XPR1: variants seen among roughly 807,000 people sequenced by gnomAD.
The protein encoded by XPR1 is xenotropic and polytropic retrovirus receptor 1, also known as solute carrier family 53 member 1.
A neutral mutation model predicts 87.5 loss-of-function variants in XPR1; 28 were observed. That is an observed-to-expected ratio of 0.32 (90% CI 0.24 to 0.44). XPR1 has a LOEUF of 0.44. XPR1 is among the 20% of genes least tolerant of loss of function. The pLI is 1.00. For missense variants in XPR1, 559 were observed against 862.3 expected (o/e 0.65, Z 4.41); for synonymous variants, 300 against 306.1 (o/e 0.98, Z 0.21).
chr1:180,860,233 G>A (rs1167552311), intron 11 of XPR1, among the ~76,000 whole-genome samples: 2 of 151,756 alleles, frequency 1.3e-5, no homozygotes, highest in African/African-American at 4.8e-5. Context: ...AAGAAGAGGA[G>A]GAACTAAATT....
intron 2 of XPR1, among the ~76,000 whole-genome samples, chr1:180,739,487 G>A (rs184657386): frequency 2.9e-4 from 44 of 152,176 alleles, no homozygotes; most frequent in Admixed American, 2.7e-3. Context: ...ATATCAATTA[G>A]AACTGTGTTA....
intron 11 of XPR1, among the ~76,000 whole-genome samples, chr1:180,846,983 A>G (rs1651707654): frequency 6.6e-6 from 1 of 152,116 alleles, no homozygotes; most frequent in Non-Finnish European, 1.5e-5. Context: ...GCCTCTCTCT[A>G]AATACTTTTT....
At chr1:180,846,907 A>G (rs1268097300) in intron 11 of XPR1, among the ~76,000 whole-genome samples, 1 of 151,912 alleles carries the variant, frequency 6.6e-6, no homozygotes, top group Non-Finnish European at 1.5e-5. Context: ...TAAAACATCT[A>G]CCTAAATATC....
At chr1:180,862,804 T>C (rs1207007508) in intron 11 of XPR1, among the ~76,000 whole-genome samples, 4 of 152,092 alleles carry the variant, frequency 2.6e-5, no homozygotes, top group Admixed American at 2.6e-4. Context: ...CTGACCAAAA[T>C]TTAAACTTTT....
intron 2 of XPR1, among the ~76,000 whole-genome samples, chr1:180,779,716 G>A (rs940906268): frequency 1.3e-5 from 2 of 151,906 alleles, no homozygotes; most frequent in Non-Finnish European, 2.9e-5. Flanking sequence ...GGGGGAGAGG[G>A]AGAGGGAGAG....
intron 6 of XPR1, among the ~76,000 whole-genome samples, chr1:180,809,760 A>G (rs1289507356): frequency 3.9e-5 from 6 of 152,190 alleles, no homozygotes; most frequent in Non-Finnish European, 8.8e-5. Context: ...TAGTAGTTAT[A>G]GATTCACTTT....
intron 1 of XPR1, among the ~76,000 whole-genome samples, chr1:180,639,071 C>A (rs1654877987): frequency 6.6e-6 from 1 of 152,112 alleles, no homozygotes; most frequent in African/African-American, 2.4e-5. Flanking sequence ...CCAAGGCAGG[C>A]AGATCGCCTG....
At chr1:180,653,754 G>A (rs1655364818) in intron 1 of XPR1, among the ~76,000 whole-genome samples, 1 of 152,128 alleles carries the variant, frequency 6.6e-6, no homozygotes. Context: ...CCATTACTGA[G>A]TAAAGTAATG....
At chr1:180,807,223 G>C (rs567046569) in intron 6 of XPR1, among the ~76,000 whole-genome samples, 11 of 152,266 alleles carry the variant, frequency 7.2e-5, no homozygotes, top group Admixed American at 3.3e-4. Flanking sequence ...TGCGGTAAGG[G>C]AAGAAAAAGA....
intron 2 of XPR1, among the ~76,000 whole-genome samples, chr1:180,786,111 C>T (rs1256178678): frequency 1.3e-5 from 2 of 151,974 alleles, no homozygotes; most frequent in Non-Finnish European, 2.9e-5. Flanking sequence ...ATACAACATC[C>T]TGCATTATCT....
intron 1 of XPR1, among the ~76,000 whole-genome samples, chr1:180,672,626 C>T (rs188669126): frequency 2.6e-5 from 4 of 152,078 alleles, no homozygotes; most frequent in Admixed American, 2.0e-4. Context: ...GATGATGAGA[C>T]AAACCATATT....
At chr1:180,764,635 A>C (rs1311152668) in intron 2 of XPR1, among the ~76,000 whole-genome samples, 1 of 151,370 alleles carries the variant, frequency 6.6e-6, no homozygotes, top group Non-Finnish European at 1.5e-5. Flanking sequence ...ATGCCTGGCT[A>C]ATGTTTGTAT....
intron 1 of XPR1, among the ~76,000 whole-genome samples, chr1:180,663,017 T>C (rs951624827): frequency 2.0e-5 from 3 of 152,240 alleles, no homozygotes; most frequent in African/African-American, 7.2e-5. Flanking sequence ...TCTGATAGGG[T>C]TCTGAATTCC....
intron 2 of XPR1, among the ~76,000 whole-genome samples, chr1:180,750,085 TGAA>T (rs1322784035): frequency 1.3e-5 from 2 of 152,196 alleles, no homozygotes; most frequent in African/African-American, 4.8e-5. Flanking sequence ...AGTATTTCCT[TGAA>T]GATATTTTTT....
At chr1:180,850,178 G>A (rs1451747590) in intron 11 of XPR1, among the ~76,000 whole-genome samples, 2 of 152,134 alleles carry the variant, frequency 1.3e-5, no homozygotes, top group Non-Finnish European at 2.9e-5. Context: ...AAAGAAAAAT[G>A]AAATGAAGGT....
chr1:180,805,873 T>G (rs952914689), intron 4 of XPR1, among the ~76,000 whole-genome samples, 189 bp from the exon 5 acceptor site: 1 of 152,188 alleles, frequency 6.6e-6, no homozygotes, highest in Non-Finnish European at 1.5e-5. Context: ...CATACTACCT[T>G]GAAATGAATA....
intron 1 of XPR1, among the ~76,000 whole-genome samples, chr1:180,645,432 C>T (rs906780438): frequency 1.1e-4 from 16 of 152,228 alleles, no homozygotes; most frequent in African/African-American, 2.9e-4. Context: ...AATGCAGCCA[C>T]TTTATCTGCC....
rs868622422 is a variant in XPR1, at chr1:180,886,083, A to C, written c.*2017A>C. On this transcript the variant is annotated 3_prime_UTR_variant, in exon 15 of 15. Transcript: ENST00000367590. Reference sequence around the variant, plus strand: ...GGCCCAAATGGAAGAGGAAATGTTTAATTAATGCTTTTTAGTTTAAATAAA... The same window carrying C: ...GGCCCAAATGGAAGAGGAAATGTTTCATTAATGCTTTTTAGTTTAAATAAA... The C allele has an allele frequency of 6.6e-6, 1 of 152,198 alleles. No homozygotes were observed. The highest frequency in any genetic ancestry group is 1.5e-5 in the Non-Finnish European group (1 of 68,024). 9.4% of individuals were successfully genotyped at this position (152,198 alleles called of 1,614,324 possible).
At chr1:180,761,141 T>G (rs558594598) in intron 2 of XPR1, among the ~76,000 whole-genome samples, 1 of 152,210 alleles carries the variant, frequency 6.6e-6, no homozygotes, top group East Asian at 1.9e-4. Context: ...ATTTAAATGT[T>G]AGACCTAAAA....
Sources: allele counts gnomAD v4.1 joint callset (sites outside exome capture counted in the v4.1 genomes callset), GRCh38; gene constraint gnomAD v4.1.1; transcripts MANE v1.5; gene names NCBI Gene and HGNC (gene_info 2026-07-23, HGNC 2026-07-21).